DACH1: variants seen among roughly 807,000 people sequenced by gnomAD.
DACH1 encodes dachshund homolog 1.
DACH1 carries 12 observed loss-of-function variants against 54.2 expected under a neutral mutation model. That is an observed-to-expected ratio of 0.22 (90% CI 0.14 to 0.36). DACH1 has a LOEUF of 0.36. Among genes scored for constraint, DACH1 ranks in the 10% least tolerant of loss-of-function variants. DACH1 has a pLI of 1.00. For synonymous variants in DACH1, 386 were observed against 366.2 expected, an observed-to-expected ratio of 1.05 and a Z score of -0.62; for missense variants, 805 against 929.8, an observed-to-expected ratio of 0.87 and a Z score of 1.75.
intron 10 of DACH1, chr13:71,464,643 G>T (rs1325474193): frequency 2.2e-6 from 1 of 447,506 alleles, no homozygotes; most frequent in Non-Finnish European, 4.5e-6. Flanking sequence ...GACAATTAAG[G>T]GAACCATTAA....
chr13:71,653,164 C>A (rs1006843383), intron 2 of DACH1, among the ~76,000 whole-genome samples: 1 of 152,104 alleles, frequency 6.6e-6, no homozygotes, highest in African/African-American at 2.4e-5. Context: ...TGACAAAATT[C>A]ATCCCCATTT....
At chr13:71,715,613 A>G (rs1274589253) in intron 1 of DACH1, among the ~76,000 whole-genome samples, 1 of 152,068 alleles carries the variant, frequency 6.6e-6, no homozygotes, top group Non-Finnish European at 1.5e-5. Flanking sequence ...GTTGATATCT[A>G]TTGAAATAGC....
At chr13:71,549,052 T>C (rs9599854) in intron 6 of DACH1, among the ~76,000 whole-genome samples, 2,525 of 152,018 alleles carry the variant, frequency 0.017, 25 homozygotes, top group Middle Eastern at 0.051. Flanking sequence ...AACTATCAAC[T>C]GGAAACTAGC....
At chr13:71,648,577 A>G (rs1193803799) in intron 2 of DACH1, among the ~76,000 whole-genome samples, 1 of 152,210 alleles carries the variant, frequency 6.6e-6, no homozygotes, top group Non-Finnish European at 1.5e-5. Flanking sequence ...AATAGCAGGC[A>G]TATGGTATAG....
At chr13:71,634,729 C>A (rs530451964) in intron 2 of DACH1, among the ~76,000 whole-genome samples, 1 of 152,228 alleles carries the variant, frequency 6.6e-6, no homozygotes, top group African/African-American at 2.4e-5. Flanking sequence ...TTGCATCAAC[C>A]CTGCTGTATG....
At chr13:71,640,775 G>A (rs1877837677) in intron 2 of DACH1, among the ~76,000 whole-genome samples, 1 of 152,018 alleles carries the variant, frequency 6.6e-6, no homozygotes, top group Non-Finnish European at 1.5e-5. Flanking sequence ...CGATGTTTTT[G>A]TTTTGTTAAG....
At chr13:71,672,635 A>C (rs750398054) in intron 2 of DACH1, among the ~76,000 whole-genome samples, 8 of 152,062 alleles carry the variant, frequency 5.3e-5, no homozygotes, top group Non-Finnish European at 1.2e-4. Context: ...AAATAAAAAT[A>C]AAAAAAGTTT....
intron 1 of DACH1, among the ~76,000 whole-genome samples, chr13:71,853,151 C>A (rs896800888): frequency 6.6e-6 from 1 of 152,138 alleles, no homozygotes; most frequent in Non-Finnish European, 1.5e-5. Flanking sequence ...AATTTCTCTA[C>A]GTGACCACAT....
intron 6 of DACH1, among the ~76,000 whole-genome samples, chr13:71,544,205 G>A (rs971485112): frequency 2.0e-5 from 3 of 152,134 alleles, no homozygotes. Flanking sequence ...GTGGCAGAGA[G>A]AGAATGGAAA....
intron 2 of DACH1, among the ~76,000 whole-genome samples, chr13:71,644,836 T>C (rs1312885861): frequency 1.3e-5 from 2 of 152,174 alleles, no homozygotes; most frequent in Non-Finnish European, 2.9e-5. Flanking sequence ...AGAAGTGCAC[T>C]CTGCACAGCT....
At chr13:71,756,791 A>G (rs1885179420) in intron 1 of DACH1, among the ~76,000 whole-genome samples, 1 of 152,184 alleles carries the variant, frequency 6.6e-6, no homozygotes. Context: ...CAATTTTCTA[A>G]AGGAAAAATC....
chr13:71,695,198 G>A (rs1233613113), intron 1 of DACH1, among the ~76,000 whole-genome samples: 1 of 151,906 alleles, frequency 6.6e-6, no homozygotes, highest in African/African-American at 2.4e-5. Flanking sequence ...TTTAAAACAC[G>A]GCTTCAGTCT....
chr13:71,487,118 T>C (rs1878599208), intron 7 of DACH1, among the ~76,000 whole-genome samples: 1 of 152,134 alleles, frequency 6.6e-6, no homozygotes, highest in Non-Finnish European at 1.5e-5. Context: ...CCCAAAGCGC[T>C]GGGATTACAG....
intron 1 of DACH1, among the ~76,000 whole-genome samples, chr13:71,718,502 G>A (rs1883085185): frequency 6.6e-6 from 1 of 151,044 alleles, no homozygotes; most frequent in Non-Finnish European, 1.5e-5. Flanking sequence ...CTTGTGTCAG[G>A]GAAATCCAAA....
chr13:71,552,820 T>C (rs1444487297), intron 6 of DACH1, among the ~76,000 whole-genome samples: 1 of 56,486 alleles, frequency 1.8e-5, no homozygotes, highest in African/African-American at 7.9e-5. Flanking sequence ...TATATATATA[T>C]ATATATATAT....
intron 3 of DACH1, among the ~76,000 whole-genome samples, chr13:71,611,424 T>A (rs1261716474): frequency 1.3e-5 from 2 of 152,210 alleles, no homozygotes; most frequent in Admixed American, 1.3e-4. Flanking sequence ...GTTTGAAGAA[T>A]AAGTGTTAAG....
At chr13:71,445,378 C>T (rs1874360694) in intron 10 of DACH1, among the ~76,000 whole-genome samples, 1 of 152,122 alleles carries the variant, frequency 6.6e-6, no homozygotes, top group Non-Finnish European at 1.5e-5. Context: ...AAATTACATA[C>T]ATTATGTGCT....
At chr13:71,637,822 T>G (rs1594026375) in intron 2 of DACH1, among the ~76,000 whole-genome samples, 1 of 152,192 alleles carries the variant, frequency 6.6e-6, no homozygotes, top group African/African-American at 2.4e-5. Context: ...GTACCCTTAC[T>G]TATAAATAGA....
intron 3 of DACH1, among the ~76,000 whole-genome samples, chr13:71,626,602 C>T (rs1206055151): frequency 6.6e-6 from 1 of 151,852 alleles, no homozygotes; most frequent in East Asian, 1.9e-4. Context: ...TTCTTATCTG[C>T]AATGTAGCTC....
Sources: allele counts gnomAD v4.1 joint callset (sites outside exome capture counted in the v4.1 genomes callset), GRCh38; gene constraint gnomAD v4.1.1; transcripts MANE v1.5; gene names NCBI Gene and HGNC (gene_info 2026-07-23, HGNC 2026-07-21).